PPIG: variants seen among roughly 807,000 people sequenced by gnomAD.
The protein encoded by PPIG is peptidyl-prolyl cis-trans isomerase G.
Under a neutral mutation model 87.9 loss-of-function variants are expected in PPIG, and 26 were observed. The observed-to-expected ratio is 0.30, with a 90% CI of 0.22 to 0.41. The LOEUF (loss-of-function observed/expected upper bound fraction) is 0.41. Among genes scored for constraint, PPIG ranks in the 10% least tolerant of loss-of-function variants. PPIG has a pLI of 1.00. For missense variants in PPIG, 722 were observed against 879.4 expected (o/e 0.82, Z 2.26); for synonymous variants, 308 against 276.5 (o/e 1.11, Z -1.13).
At chr2:169,599,917 A>C (rs1040917327) in intron 1 of PPIG, among the ~76,000 whole-genome samples, 16 of 152,146 alleles carry the variant, frequency 1.1e-4, no homozygotes, top group African/African-American at 3.9e-4. Flanking sequence ...GACAAATAGA[A>C]ATAATTTTTT....
At chr2:169,605,697 GC>G (rs1382308711) in intron 4 of PPIG, among the ~76,000 whole-genome samples, 2 of 152,092 alleles carry the variant, frequency 1.3e-5, no homozygotes, top group East Asian at 1.9e-4. Flanking sequence ...CACTCAGGAG[GC>G]TGAGGCAGGA....
chr2:169,625,636 C>T (rs761391193), intron 9 of PPIG, among the ~76,000 whole-genome samples: 21 of 151,902 alleles, frequency 1.4e-4, no homozygotes, highest in Non-Finnish European at 3.1e-4. Flanking sequence ...ATTCCTTTAC[C>T]GCCTATTATT....
chr2:169,599,136 A>G (rs1685106976), intron 1 of PPIG, among the ~76,000 whole-genome samples: 1 of 152,114 alleles, frequency 6.6e-6, no homozygotes, highest in Non-Finnish European at 1.5e-5. Flanking sequence ...TTGTTGTCAA[A>G]TTGGCAATCA....
chr2:169,637,449 G>T lies in PPIG; in HGVS notation c.2191G>T (p.Asp731Tyr). ...ENQKSKGQEN[D>Y]HVHEKNKKFD... ...CCAAAAATCAAAAGGTCAAGAAAATGACCATGTACATGAAAAAAATAAAAA... is the reference window on the plus strand; with the variant it reads ...CCAAAAATCAAAAGGTCAAGAAAATTACCATGTACATGAAAAAAATAAAAA... The change falls in exon 14 of 14, where the codon GAC (aspartate) becomes TAC (tyrosine). Residue 731 changes from aspartate to tyrosine, a missense_variant. Asp to Tyr is a radical substitution (Grantham distance 160). Coordinates refer to ENST00000260970, the MANE Select transcript of PPIG (RefSeq NM_004792.3). The T allele has an allele frequency of 6.2e-7, 1 of 1,609,414 alleles. No homozygotes were observed. The highest frequency in any genetic ancestry group is 1.1e-5 in the South Asian group (1 of 89,758).
chr2:169,599,552 C>T (rs571959669), intron 1 of PPIG, among the ~76,000 whole-genome samples: 1 of 152,032 alleles, frequency 6.6e-6, no homozygotes, highest in Non-Finnish European at 1.5e-5. Context: ...TTAAAAGGTA[C>T]AATGAATATG....
In PPIG at chr2:169,593,517, A is replaced by T. The variant is rs116655795; in HGVS notation, c.-70+9027A>T. ...AAGTAGTGAGGCAAAAGCCCTCTCC[A>T]GTCTTACAGACACACACAATAATGA... On this transcript the variant is annotated intron_variant, in intron 1 of 13. Coordinates refer to ENST00000260970, the MANE Select transcript of PPIG (RefSeq NM_004792.3). 5.8e-3 allele frequency among the ~76,000 whole-genome samples: 890 copies of T among 152,342 alleles called. 8 individuals carry two copies. The highest frequency in any genetic ancestry group is 0.02 in the African/African-American group (831 of 41,576).
intron 12 of PPIG, among the ~76,000 whole-genome samples, chr2:169,633,836 CTT>C (rs370814886): frequency 0.015 from 383 of 26,068 alleles, 2 homozygotes; most frequent in African/African-American, 0.087. Context: ...CCACCCCCCC[CTT>C]TTTTTTTTTT....
In PPIG at chr2:169,604,091, ACAAT is replaced by A; in HGVS notation, c.54_57del (p.Gln19LeufsTer107). On this transcript the variant is annotated frameshift_variant, in exon 3 of 14. Coordinates refer to ENST00000260970, the MANE Select transcript of PPIG (RefSeq NM_004792.3). LOFTEE classifies it high-confidence loss of function. ...CGATGTTTTTTTGACATTGCCATTAACAATCAACCTGGTAAGAATATTAGTTGAC... is the reference window on the plus strand; with the variant it reads ...CGATGTTTTTTTGACATTGCCATTAACAACCTGGTAAGAATATTAGTTGAC... The A allele has an allele frequency of 6.2e-7, 1 of 1,613,536 alleles. No homozygotes were observed.
intron 7 of PPIG, among the ~76,000 whole-genome samples, chr2:169,611,239 A>G (rs529056816): frequency 1.3e-5 from 2 of 152,260 alleles, no homozygotes; most frequent in African/African-American, 4.8e-5. Flanking sequence ...TTGTAAAAAA[A>G]GAAAAAGAAA....
intron 1 of PPIG, among the ~76,000 whole-genome samples, chr2:169,586,956 CAG>C (rs762190286): frequency 1.4e-4 from 21 of 152,036 alleles, no homozygotes; most frequent in Admixed American, 3.9e-4. Context: ...TTTTTTCAGA[CAG>C]AGTCTTGCTC....
At chr2:169,606,218 A>G in intron 5 of PPIG, 72 bp downstream of exon 5, 1 of 1,107,178 alleles carries the variant, frequency 9.0e-7, no homozygotes, top group South Asian at 1.3e-5. Context: ...AAGTCCCTAG[A>G]AGTTTTAGTC....
At chr2:169,595,272 A>G (rs892021486) in intron 1 of PPIG, among the ~76,000 whole-genome samples, 1 of 152,048 alleles carries the variant, frequency 6.6e-6, no homozygotes, top group Non-Finnish European at 1.5e-5. Context: ...CCCTTTTCTT[A>G]ATTTTTAATT....
At chr2:169,617,394 G>A (rs1219195615) in intron 9 of PPIG, among the ~76,000 whole-genome samples, 3 of 152,144 alleles carry the variant, frequency 2.0e-5, no homozygotes, top group Non-Finnish European at 2.9e-5. Flanking sequence ...CTGATTCTGT[G>A]AAGAAAGTCA....
chr2:169,630,339 C>T (rs1276564476), intron 9 of PPIG, among the ~76,000 whole-genome samples: 1 of 152,070 alleles, frequency 6.6e-6, no homozygotes, highest in Non-Finnish European at 1.5e-5. Flanking sequence ...AAGCCCATGC[C>T]AGTGAAATCC....
intron 1 of PPIG, among the ~76,000 whole-genome samples, chr2:169,600,160 C>T (rs991078456): frequency 4.0e-5 from 6 of 151,834 alleles, no homozygotes; most frequent in African/African-American, 9.7e-5. Flanking sequence ...CTGCAACCTC[C>T]GCCTCCCTGG....
intron 9 of PPIG, among the ~76,000 whole-genome samples, chr2:169,624,272 C>T (rs1337304428): frequency 6.6e-6 from 1 of 152,014 alleles, no homozygotes; most frequent in Admixed American, 6.5e-5. Context: ...GGTTTTTAAC[C>T]TTAATATTAT....
chr2:169,587,812 ATATAACACT>A (rs1684745074), intron 1 of PPIG, among the ~76,000 whole-genome samples: 1 of 152,226 alleles, frequency 6.6e-6, no homozygotes, highest in Non-Finnish European at 1.5e-5. Flanking sequence ...AAATTTGATT[ATATAACACT>A]TATAAACACC....
chr2:169,620,333 C>T (rs1408576888), intron 9 of PPIG, among the ~76,000 whole-genome samples: 1 of 152,044 alleles, frequency 6.6e-6, no homozygotes, highest in African/African-American at 2.4e-5. Flanking sequence ...ATTGAAGAGA[C>T]TGTCCTTTCC....
At chr2:169,605,900 T>G in intron 4 of PPIG, 139 bp from the exon 5 acceptor site, 1 of 632,650 alleles carries the variant, frequency 1.6e-6, no homozygotes, top group Non-Finnish European at 2.8e-6. Flanking sequence ...AAATGAATTT[T>G]TAAAAAAAAA....
Sources: allele counts gnomAD v4.1 joint callset (sites outside exome capture counted in the v4.1 genomes callset), GRCh38; gene constraint gnomAD v4.1.1; transcripts MANE v1.5; gene names NCBI Gene and HGNC (gene_info 2026-07-23, HGNC 2026-07-21).